Variants in PEBP4 observed in about 807,000 individuals in gnomAD.
The protein encoded by PEBP4 is phosphatidylethanolamine binding protein 4.
In PEBP4, 22 loss-of-function variants were observed where a neutral mutation model predicts 23.9. That is an observed-to-expected ratio of 0.92 (90% CI 0.66 to 1.31). The LOEUF (loss-of-function observed/expected upper bound fraction) is 1.31, where lower values mean the gene tolerates loss of function less well. Among genes scored for constraint, PEBP4 ranks in the 40% most tolerant of loss-of-function variants. The pLI is 0.00. For synonymous variants in PEBP4, 112 were observed against 99.3 expected, an observed-to-expected ratio of 1.13 and a Z score of -0.76; for missense variants, 324 against 281.7, an observed-to-expected ratio of 1.15 and a Z score of -1.07.
rs1806296467 is a variant in PEBP4 at position 22,797,759 on chromosome 8, C to T, written c.357+19878G>A. On this transcript the variant is annotated intron_variant, in intron 4 of 6. Coordinates refer to ENST00000256404, the MANE Select transcript of PEBP4 (RefSeq NM_144962.3). The stretch of plus-strand genomic sequence containing the variant: ...GGGGCAATGATGCAGTGTATCACGA[C>T]TGTTCACTGACTTTGAGTCAAATTG... 2.6e-5 allele frequency among the ~76,000 whole-genome samples: 4 copies of T among 152,168 alleles called. No individual in the cohort carries two copies. In the South Asian group the frequency reaches 8.3e-4, roughly 32 times the overall value.
At chr8:22,729,210 T>C (rs577290774) in intron 4 of PEBP4, among the ~76,000 whole-genome samples, 20 of 152,304 alleles carry the variant, frequency 1.3e-4, no homozygotes, top group Admixed American at 7.2e-4. Context: ...GACAGATGCC[T>C]AGCAGCCACT....
rs1433307607 is a variant in PEBP4, at chr8:22,717,174, A to G, written c.518-3638T>C. ...CTCAGCCTCCTGAGTAGCTGGAACC[A>G]CAGTTGTGTGCTACCACACCTGGGT... is the stretch of plus-strand genomic sequence containing the variant. On this transcript the variant is annotated intron_variant, in intron 6 of 6. Coordinates refer to ENST00000256404, the MANE Select transcript of PEBP4 (RefSeq NM_144962.3). Among the ~76,000 whole-genome samples, 3 of 152,080 alleles carry G rather than the reference A, an allele frequency of 2.0e-5. No homozygotes were observed. The East Asian group carries it at 5.8e-4, about 29-fold the overall frequency.
At chr8:22,765,172 C>T (rs1478192992) in intron 4 of PEBP4, among the ~76,000 whole-genome samples, 3 of 141,114 alleles carry the variant, frequency 2.1e-5, no homozygotes, top group African/African-American at 7.9e-5. Context: ...GAGACAGCAT[C>T]TTGATGCGAC....
At chr8:22,806,183 T>G (rs1392413375) in intron 4 of PEBP4, among the ~76,000 whole-genome samples, 1 of 152,210 alleles carries the variant, frequency 6.6e-6, no homozygotes, top group Non-Finnish European at 1.5e-5. Context: ...AACTTTAGAT[T>G]AATACCTATT....
At chr8:22,898,603 A>C (rs1214428134) in intron 3 of PEBP4, among the ~76,000 whole-genome samples, 1 of 152,138 alleles carries the variant, frequency 6.6e-6, no homozygotes, top group East Asian at 1.9e-4. Context: ...AACCATAGAC[A>C]TTCATGCCCG....
At chr8:22,756,149 A>C (rs1395842269) in intron 4 of PEBP4, 1 of 152,242 alleles carries the variant, frequency 6.6e-6, no homozygotes, top group Non-Finnish European at 1.5e-5. Flanking sequence ...CTCAGGCCAG[A>C]GCGACAGCCT....
intron 3 of PEBP4, among the ~76,000 whole-genome samples, chr8:22,882,312 C>T (rs1808276324): frequency 1.3e-5 from 2 of 152,242 alleles, no homozygotes; most frequent in Admixed American, 1.3e-4. Flanking sequence ...TGTGCGTCAA[C>T]AGCACCAGTG....
intron 1 of PEBP4, among the ~76,000 whole-genome samples, chr8:22,933,005 CAAAA>C (rs11474736): frequency 7.4e-6 from 1 of 134,280 alleles, no homozygotes; most frequent in African/African-American, 2.8e-5. Flanking sequence ...ACTCCGTCTC[CAAAA>C]AAAAAAAAAA....
At chr8:22,772,629 T>C (rs543819857) in intron 4 of PEBP4, among the ~76,000 whole-genome samples, 3 of 151,678 alleles carry the variant, frequency 2.0e-5, no homozygotes, top group Non-Finnish European at 4.4e-5. Context: ...CCAAAGTAGG[T>C]ATTCTTATGT....
intron 4 of PEBP4, among the ~76,000 whole-genome samples, chr8:22,741,130 A>T (rs551302678): frequency 2.8e-3 from 431 of 152,226 alleles, no homozygotes; most frequent in Non-Finnish European, 4.7e-3. Context: ...GCAGGTCAGG[A>T]TCAACTCTAG....
chr8:22,903,941 A>G (rs896384514), intron 3 of PEBP4, among the ~76,000 whole-genome samples: 1 of 152,186 alleles, frequency 6.6e-6, no homozygotes, highest in African/African-American at 2.4e-5. Flanking sequence ...TGGGAGTGGG[A>G]CTTTTGCTTA....
At chr8:22,747,347 G>C (rs1805144109) in intron 4 of PEBP4, among the ~76,000 whole-genome samples, 1 of 128,406 alleles carries the variant, frequency 7.8e-6, no homozygotes, top group Non-Finnish European at 1.7e-5. Context: ...TAGATCCAGG[G>C]TCTCTGCTGT....
intron 3 of PEBP4, among the ~76,000 whole-genome samples, chr8:22,916,529 G>A (rs1809076322): frequency 6.6e-6 from 1 of 152,098 alleles, no homozygotes; most frequent in African/African-American, 2.4e-5. Context: ...GGAGGAGAGA[G>A]TCCTGCTGCC....
At chr8:22,929,982 C>T (rs1030736140), upstream of PEBP4, among the ~76,000 whole-genome samples, 4 of 152,204 alleles carry the variant, frequency 2.6e-5, no homozygotes, top group African/African-American at 7.2e-5. Context: ...GGATTACAGG[C>T]GTGAGCCACC....
intron 1 of PEBP4, among the ~76,000 whole-genome samples, chr8:22,936,985 A>G (rs971420370): frequency 1.3e-5 from 2 of 152,188 alleles, no homozygotes; most frequent in Non-Finnish European, 2.9e-5. Context: ...GCCCACAGAT[A>G]ACAACATACT....
intron 4 of PEBP4, among the ~76,000 whole-genome samples, chr8:22,727,678 C>T (rs1193808890): frequency 6.6e-6 from 1 of 152,110 alleles, no homozygotes; most frequent in Non-Finnish European, 1.5e-5. Flanking sequence ...GAGGACTCTG[C>T]TCCCTTTGGA....
chr8:22,874,323 G>C (rs1262563868), intron 3 of PEBP4, among the ~76,000 whole-genome samples: 1 of 152,154 alleles, frequency 6.6e-6, no homozygotes. Flanking sequence ...ATTCATCATT[G>C]ACACTCAAAA....
chr8:22,779,647 T>C (rs1805878893), intron 4 of PEBP4, among the ~76,000 whole-genome samples: 1 of 152,324 alleles, frequency 6.6e-6, no homozygotes. Flanking sequence ...ACTGGGAATG[T>C]TCATTCATTT....
chr8:22,873,082 A>G (rs569008903), intron 3 of PEBP4, among the ~76,000 whole-genome samples: 3 of 152,314 alleles, frequency 2.0e-5, no homozygotes, highest in African/African-American at 7.2e-5. Context: ...GCCTAAACTG[A>G]GTAAATTCTC....
Sources: gnomAD v4.1 joint callset for allele counts (sites outside exome capture counted in the v4.1 genomes callset) on GRCh38, gnomAD v4.1.1 for gene constraint, MANE v1.5 for transcripts, NCBI Gene and HGNC (gene_info 2026-07-23, HGNC 2026-07-21) for gene names.